RHEX: variants seen among roughly 807,000 people sequenced by gnomAD.
RHEX encodes regulator of hemoglobinization and erythroid cell expansion protein.
RHEX carries 18 observed loss-of-function variants against 20.1 expected under a neutral mutation model. That is an observed-to-expected ratio of 0.90 (90% CI 0.62 to 1.33). RHEX has a LOEUF of 1.33. RHEX is among the 40% of genes most tolerant of loss of function. The probability of loss-of-function intolerance (pLI) is 0.00; values close to 1 mark genes in which losing one functional copy is unlikely to be tolerated. For missense variants in RHEX, 192 were observed against 214.3 expected, an observed-to-expected ratio of 0.90 and a Z score of 0.65; for synonymous variants, 87 against 77.1, an observed-to-expected ratio of 1.13 and a Z score of -0.67.
Position 206,095,678 on chromosome 1 carries a change from T to C in RHEX, c.-96-2055T>C, listed in dbSNP as rs1663050819. ...CTGAAAATACAAAATTAGCAGGGCA[T>C]GGTGGTGCATACCTGAAATCCCAGC... is the stretch of plus-strand genomic sequence containing the variant. On this transcript the variant is annotated intron_variant, in intron 1 of 5. Coordinates refer to ENST00000331555, the MANE Select transcript of RHEX (RefSeq NM_001007544.4). Among the ~76,000 whole-genome samples the C allele has an allele frequency of 2.0e-5, 3 of 152,218 alleles. No homozygotes were observed. In the South Asian group the frequency reaches 6.2e-4, roughly 32 times the overall value.
intron 1 of RHEX, among the ~76,000 whole-genome samples, chr1:206,088,213 A>G (rs1443313666): frequency 6.6e-6 from 1 of 152,274 alleles, no homozygotes. Flanking sequence ...GACAGAAAGT[A>G]TAACAAATGA....
At chr1:206,096,948 T>C (rs1663084201) in intron 1 of RHEX, among the ~76,000 whole-genome samples, 1 of 152,032 alleles carries the variant, frequency 6.6e-6, no homozygotes, top group South Asian at 2.1e-4. Flanking sequence ...ATAATTTTTA[T>C]ATTTTTAGTA....
At chr1:206,055,485 A>G (rs901371580) in intron 1 of RHEX, among the ~76,000 whole-genome samples, 1 of 152,264 alleles carries the variant, frequency 6.6e-6, no homozygotes, top group Admixed American at 6.5e-5. Flanking sequence ...AGGAAAAAAA[A>G]AATAATAAGA....
At chr1:206,090,730 TTTA>T (rs1394300306) in intron 1 of RHEX, among the ~76,000 whole-genome samples, 1 of 152,026 alleles carries the variant, frequency 6.6e-6, no homozygotes, top group Admixed American at 6.5e-5. Context: ...TCAATAAATT[TTTA>T]TTATTTTCTT....
chr1:206,066,216 G>A (rs187702758), intron 1 of RHEX, among the ~76,000 whole-genome samples: 2 of 152,322 alleles, frequency 1.3e-5, no homozygotes, highest in East Asian at 1.9e-4. Context: ...TCTTATCTGC[G>A]AATCTCTTAT....
chr1:206,066,036 C>A (rs1248315845), intron 1 of RHEX, among the ~76,000 whole-genome samples: 3 of 152,264 alleles, frequency 2.0e-5, no homozygotes, highest in Admixed American at 2.0e-4. Flanking sequence ...TGTTCAGCAC[C>A]TTTGGTCCCT....
chr1:206,090,281 A>G (rs1352966530), intron 1 of RHEX, among the ~76,000 whole-genome samples: 1 of 139,302 alleles, frequency 7.2e-6, no homozygotes, highest in African/African-American at 2.7e-5. Flanking sequence ...ATCTCGGCTC[A>G]CTGCAATCTC....
At chr1:206,101,639 C>A (rs1354602512) in intron 5 of RHEX, 113 bp from the exon 6 acceptor site, 3 of 790,364 alleles carry the variant, frequency 3.8e-6, no homozygotes, top group Non-Finnish European at 6.2e-6. Flanking sequence ...GGACCCAGAT[C>A]TTCCCCACCA....
chr1:206,095,069 C>T (rs1663037484), intron 1 of RHEX, among the ~76,000 whole-genome samples: 1 of 152,102 alleles, frequency 6.6e-6, no homozygotes, highest in African/African-American at 2.4e-5. Flanking sequence ...AACCTGCCGT[C>T]TGCAAGACAG....
In RHEX at chr1:206,099,722, T is replaced by C. The variant is rs1663147758; in HGVS notation, c.180T>C (p.His60=). The change falls in exon 4 of 6, where the codon CAT becomes CAC. Residue 60 remains histidine (H), a synonymous_variant. Coordinates refer to ENST00000331555, the MANE Select transcript of RHEX (RefSeq NM_001007544.4). ...LQVPRPSPGH[H]HPPAVKEMKE... ...TTCCCAGGCCCAGCCCTGGCCACCA[T>C]CATCCACCTGCTGTCAAAGAGATGA... 6.2e-7 allele frequency: 1 copy of C among 1,614,064 alleles called. No homozygotes were observed. The highest frequency in any genetic ancestry group is 2.2e-5 in the East Asian group (1 of 44,876).
intron 1 of RHEX, among the ~76,000 whole-genome samples, chr1:206,087,649 C>T (rs1662865506): frequency 6.6e-6 from 1 of 152,288 alleles, no homozygotes; most frequent in East Asian, 1.9e-4. Context: ...GATTGAAATT[C>T]AGACATTTAG....
At chr1:206,083,802 G>A (rs1338054155) in intron 1 of RHEX, among the ~76,000 whole-genome samples, 1 of 152,208 alleles carries the variant, frequency 6.6e-6, no homozygotes, top group Non-Finnish European at 1.5e-5. Context: ...CTTACAGTGA[G>A]CCTAAGATTA....
At chr1:206,096,519 C>A in intron 1 of RHEX, among the ~76,000 whole-genome samples, 1 of 152,254 alleles carries the variant, frequency 6.6e-6, no homozygotes, top group Non-Finnish European at 1.5e-5. Context: ...GCTGCCCTGG[C>A]AGGGGTCTTG....
rs577933071 is a variant in RHEX at position 206,090,136 on chromosome 1, G to A, written c.-96-7597G>A. ...TGTACACACAGGCATATTTTTTCAA[G>A]TCTACACTTCTCTTAAAAAGTGGTA... On this transcript the variant is annotated intron_variant, in intron 1 of 5. Transcript: ENST00000331555. Among the ~76,000 whole-genome samples the A allele has an allele frequency of 5.4e-5, 8 of 147,886 alleles. No individual in the cohort carries two copies. The South Asian group carries it at 1.8e-3, about 33-fold the overall frequency.
intron 1 of RHEX, among the ~76,000 whole-genome samples, chr1:206,094,170 GT>G (rs1663017060): frequency 4.6e-5 from 2 of 43,396 alleles, no homozygotes; most frequent in Non-Finnish European, 8.8e-5. Flanking sequence ...TGGTTATTTG[GT>G]GTGTGTGTGT....
At chr1:206,079,143 A>G (rs74144321) in intron 1 of RHEX, among the ~76,000 whole-genome samples, 5,267 of 152,298 alleles carry the variant, frequency 0.035, 321 homozygotes, top group African/African-American at 0.12. Context: ...GCATATATAA[A>G]GCAGCTGATA....
At chr1:206,080,848 G>A (rs1662720923) in intron 1 of RHEX, among the ~76,000 whole-genome samples, 1 of 152,122 alleles carries the variant, frequency 6.6e-6, no homozygotes, top group Non-Finnish European at 1.5e-5. Context: ...TGTCACCCAG[G>A]CTGGAGTGCA....
At chr1:206,086,120 CAG>C (rs1331600876) in intron 1 of RHEX, among the ~76,000 whole-genome samples, 1 of 152,184 alleles carries the variant, frequency 6.6e-6, no homozygotes, top group Non-Finnish European at 1.5e-5. Context: ...GACTCATTGA[CAG>C]TCATAGGAAC....
chr1:206,065,720 C>T (rs1662409879), intron 1 of RHEX, among the ~76,000 whole-genome samples: 1 of 152,168 alleles, frequency 6.6e-6, no homozygotes, highest in South Asian at 2.1e-4. Context: ...AAGTCTTAGG[C>T]CTCTCACCAG....
Sources: allele counts gnomAD v4.1 joint callset (sites outside exome capture counted in the v4.1 genomes callset), GRCh38; gene constraint gnomAD v4.1.1; transcripts MANE v1.5; gene names NCBI Gene and HGNC (gene_info 2026-07-23, HGNC 2026-07-21).